RNGTT: variants seen among roughly 807,000 people sequenced by gnomAD.
The protein encoded by RNGTT is mRNA-capping enzyme.
Under a neutral mutation model 79.3 loss-of-function variants are expected in RNGTT, and 33 were observed. The observed-to-expected ratio is 0.42, with a 90% confidence interval of 0.32 to 0.56. The LOEUF (loss-of-function observed/expected upper bound fraction) is 0.56, where lower values mean the gene tolerates loss of function less well. Among genes scored for constraint, RNGTT ranks in the 20% least tolerant of loss-of-function variants. RNGTT has a pLI of 0.17. For synonymous variants in RNGTT, 222 were observed against 235.9 expected, an observed-to-expected ratio of 0.94 and a Z score of 0.54; for missense variants, 497 against 739.1, an observed-to-expected ratio of 0.67 and a Z score of 3.80.
At chr6:88,889,357 T>C (rs1032121807) in intron 8 of RNGTT, among the ~76,000 whole-genome samples, 3 of 152,162 alleles carry the variant, frequency 2.0e-5, no homozygotes, top group African/African-American at 7.2e-5. Flanking sequence ...TGTTAAAATA[T>C]CATTATAGTC....
At chr6:88,905,038 G>A (rs1783607341) in intron 5 of RNGTT, 83 bp from the exon 6 acceptor site, 1 of 1,512,696 alleles carries the variant, frequency 6.6e-7, no homozygotes, top group African/African-American at 1.4e-5. Context: ...TATATTCAAG[G>A]CTCCATATAA....
At chr6:88,922,673 G>A (rs889432459) in intron 4 of RNGTT, among the ~76,000 whole-genome samples, 28 of 151,990 alleles carry the variant, frequency 1.8e-4, no homozygotes, top group South Asian at 2.1e-4. Context: ...GACTACAGGC[G>A]TCCGCCACCA....
At chr6:88,623,507 T>G (rs1772514516) in intron 14 of RNGTT, among the ~76,000 whole-genome samples, 1 of 151,742 alleles carries the variant, frequency 6.6e-6, no homozygotes, top group South Asian at 2.1e-4. Context: ...TCCCCTAATA[T>G]TCAATCCATT....
At chr6:88,731,572 A>G (rs995674032) in intron 13 of RNGTT, among the ~76,000 whole-genome samples, 13 of 152,244 alleles carry the variant, frequency 8.5e-5, no homozygotes, top group Non-Finnish European at 1.6e-4. Flanking sequence ...AGAATGAATG[A>G]AAAGAAAATA....
chr6:88,780,452 TTGC>T (rs923096251), intron 12 of RNGTT, among the ~76,000 whole-genome samples: 3 of 152,188 alleles, frequency 2.0e-5, no homozygotes, highest in Admixed American at 1.3e-4. Context: ...ATACAGAATC[TTGC>T]TGAACTATAA....
intron 13 of RNGTT, among the ~76,000 whole-genome samples, chr6:88,748,357 C>T (rs1336906880): frequency 6.6e-6 from 1 of 152,036 alleles, no homozygotes; most frequent in Admixed American, 6.6e-5. Flanking sequence ...GGCTCCAAGG[C>T]CTATACAGGA....
rs9342156 is a variant in RNGTT, at chr6:88,736,679, C to T, written c.1439+33095G>A. ...TCATATTTCAAAAGATGAGGGCTTT[C>T]TGAGGAGAACACCAAGGTTGTGCCT... On this transcript the variant is annotated intron_variant, in intron 13 of 15. Coordinates refer to ENST00000369485, the MANE Select transcript of RNGTT (RefSeq NM_003800.5). Among the ~76,000 whole-genome samples, 357 of 152,290 alleles carry T rather than the reference C, an allele frequency of 2.3e-3. 8 individuals are homozygous for T. The East Asian group carries it at 0.051, about 22-fold the overall frequency.
intron 13 of RNGTT, among the ~76,000 whole-genome samples, chr6:88,763,263 G>A (rs140981891): frequency 7.9e-5 from 12 of 152,030 alleles, no homozygotes; most frequent in Admixed American, 4.6e-4. Context: ...TTTTGTTTGC[G>A]TATTTATCCA....
At chr6:88,747,363 C>T (rs1299603826) in intron 13 of RNGTT, among the ~76,000 whole-genome samples, 1 of 152,198 alleles carries the variant, frequency 6.6e-6, no homozygotes, top group Non-Finnish European at 1.5e-5. Flanking sequence ...TTAATCATGG[C>T]TCCTCTTTCT....
chr6:88,755,019 A>T (rs1205467447), intron 13 of RNGTT, among the ~76,000 whole-genome samples: 2 of 152,068 alleles, frequency 1.3e-5, no homozygotes, highest in African/African-American at 4.8e-5. Flanking sequence ...GTGTGTCTTT[A>T]ATTTCTCTAG....
At chr6:88,781,550 A>G (rs1003360126) in intron 12 of RNGTT, among the ~76,000 whole-genome samples, 4 of 152,160 alleles carry the variant, frequency 2.6e-5, no homozygotes, top group South Asian at 2.1e-4. Context: ...TCAAGAATCT[A>G]TTATTTGTCT....
chr6:88,834,104 T>A (rs1780979514), intron 11 of RNGTT, among the ~76,000 whole-genome samples: 1 of 152,194 alleles, frequency 6.6e-6, no homozygotes, highest in Non-Finnish European at 1.5e-5. Flanking sequence ...GAATGTTAAT[T>A]ATAAAAAAAA....
At chr6:88,900,317 T>G (rs1783406255) in intron 6 of RNGTT, among the ~76,000 whole-genome samples, 1 of 152,192 alleles carries the variant, frequency 6.6e-6, no homozygotes, top group Non-Finnish European at 1.5e-5. Context: ...TGAAAATCAT[T>G]TTTTAAAAAA....
intron 14 of RNGTT, among the ~76,000 whole-genome samples, chr6:88,664,575 G>A (rs1479848880): frequency 2.0e-5 from 3 of 152,198 alleles, no homozygotes; most frequent in Admixed American, 2.0e-4. Context: ...CCCCTGAAAG[G>A]ACAAGGGAAT....
intron 13 of RNGTT, among the ~76,000 whole-genome samples, chr6:88,751,165 A>G (rs1777826441): frequency 6.6e-6 from 1 of 152,180 alleles, no homozygotes; most frequent in South Asian, 2.1e-4. Context: ...TCTTTTCCAT[A>G]AAATAGATTC....
At position 88,612,737 on chromosome 6, in the gene RNGTT, T is replaced by A. The variant is rs1772074544; in HGVS notation, c.1776A>T (p.Arg592Ser). The A allele has an allele frequency of 6.2e-7, 1 of 1,611,532 alleles. No individual in the cohort carries two copies. Among genetic ancestry groups the A allele is most frequent in the African/African-American group, 1.3e-5 (1 of 74,790 alleles). Residue 592 changes from arginine to serine, a missense_variant, in exon 16 of 16, where the codon AGA (arginine) becomes AGT (serine). Physicochemically the swap from Arg to Ser is moderately radical, Grantham distance 110. Coordinates refer to ENST00000369485, the MANE Select transcript of RNGTT (RefSeq NM_003800.5). ...TELMPPPPPK[R>S]PRPLT is the part of the protein sequence containing the mutation. ...GCAGGTCTTAGGTTAAAGGGCGTGG[T>A]CTTTTGGGAGGTGGTGGTGGCATGA... is the stretch of plus-strand genomic sequence containing the variant.
At chr6:88,716,627 C>T (rs1163080506) in intron 13 of RNGTT, among the ~76,000 whole-genome samples, 1 of 152,136 alleles carries the variant, frequency 6.6e-6, no homozygotes, top group Non-Finnish European at 1.5e-5. Context: ...CCATGGAATA[C>T]TATGCAGCCA....
intron 13 of RNGTT, among the ~76,000 whole-genome samples, chr6:88,715,917 A>G (rs1239208138): frequency 1.3e-5 from 2 of 152,186 alleles, no homozygotes; most frequent in Non-Finnish European, 2.9e-5. Context: ...CAAGGACTTC[A>G]TGTCTAAAAC....
intron 8 of RNGTT, among the ~76,000 whole-genome samples, chr6:88,877,144 C>T (rs770767219): frequency 3.3e-5 from 5 of 152,200 alleles, no homozygotes; most frequent in East Asian, 1.9e-4. Flanking sequence ...AACTATACCA[C>T]ACCCTAAAAG....
Sources: gnomAD v4.1 joint callset for allele counts (sites outside exome capture counted in the v4.1 genomes callset) on GRCh38, gnomAD v4.1.1 for gene constraint, MANE v1.5 for transcripts, NCBI Gene and HGNC (gene_info 2026-07-23, HGNC 2026-07-21) for gene names.